Variants in COL5A2 observed in about 807,000 individuals in gnomAD.
COL5A2 encodes collagen type V alpha 2 chain.
COL5A2 carries 23 observed loss-of-function variants against 208.2 expected under a neutral mutation model. The ratio of observed to expected loss-of-function variants is 0.11; its 90% CI spans 0.08 to 0.16. The LOEUF is 0.16. Ranked by LOEUF, COL5A2 falls within the 10% of genes least tolerant of loss-of-function variation. COL5A2 has a pLI of 1.00. For missense variants in COL5A2, 1,590 were observed against 1,956.4 expected, an observed-to-expected ratio of 0.81 and a Z score of 3.53; for synonymous variants, 625 against 628.5, an observed-to-expected ratio of 0.99 and a Z score of 0.08.
intron 2 of COL5A2, among the ~76,000 whole-genome samples, chr2:189,105,261 TTGG>T: frequency 6.6e-6 from 1 of 151,808 alleles, no homozygotes; most frequent in African/African-American, 2.4e-5. Context: ...GGTATAGGCA[TTGG>T]TAACTTGATA....
intron 1 of COL5A2, among the ~76,000 whole-genome samples, chr2:189,177,412 C>T (rs1242095005): frequency 6.6e-6 from 1 of 152,126 alleles, no homozygotes. Flanking sequence ...TCAACTTAAA[C>T]CAAAATATGC....
At chr2:189,376,738 T>TG in the COL5A2 span, among the ~76,000 whole-genome samples, 1 of 152,156 alleles carries the variant, frequency 6.6e-6, no homozygotes, top group Admixed American at 6.5e-5. Flanking sequence ...TTGAAATAAA[T>TG]ATTTTACCTT....
At chr2:189,253,083 C>A in the COL5A2 span, among the ~76,000 whole-genome samples, 1 of 152,150 alleles carries the variant, frequency 6.6e-6, no homozygotes, top group Non-Finnish European at 1.5e-5. Flanking sequence ...GAAGAGATGT[C>A]TGGTGGCATG....
chr2:189,060,691 A>T (rs768592969), intron 31 of COL5A2, 39 bp downstream of exon 31: 10 of 1,521,490 alleles, frequency 6.6e-6, no homozygotes, highest in Non-Finnish European at 8.2e-6. Flanking sequence ...TTGAGCCAGC[A>T]ATGTATAGTG....
the COL5A2 span, among the ~76,000 whole-genome samples, chr2:189,267,413 A>C: frequency 1.5e-3 from 229 of 152,332 alleles, no homozygotes; most frequent in African/African-American, 5.1e-3. Flanking sequence ...CTTATTAAAA[A>C]TACAATCACA....
chr2:189,326,096 C>CAAAAAAA, the COL5A2 span, among the ~76,000 whole-genome samples: 27 of 96,810 alleles, frequency 2.8e-4, no homozygotes, highest in Admixed American at 5.2e-4. Flanking sequence ...GACCCTGTCT[C>CAAAAAAA]AAAAAAAAAA....
chr2:189,221,424 C>T (rs977384451), intron 1 of COL5A2, among the ~76,000 whole-genome samples: 11 of 152,034 alleles, frequency 7.2e-5, no homozygotes, highest in African/African-American at 2.7e-4. Context: ...TGGTTTCTAC[C>T]TTGCTGCTCA....
At chr2:189,145,656 A>G (rs1226256289) in intron 1 of COL5A2, among the ~76,000 whole-genome samples, 3 of 152,088 alleles carry the variant, frequency 2.0e-5, no homozygotes, top group South Asian at 4.1e-4. Flanking sequence ...TCTTATTCAG[A>G]AGGATTTTTA....
At chr2:189,383,111 C>A in the COL5A2 span, among the ~76,000 whole-genome samples, 2 of 152,194 alleles carry the variant, frequency 1.3e-5, no homozygotes, top group Non-Finnish European at 2.9e-5. Flanking sequence ...AAGTATGTCA[C>A]AGGTTTCTGT....
the COL5A2 span, among the ~76,000 whole-genome samples, chr2:189,374,639 A>G: frequency 2.0e-5 from 3 of 152,170 alleles, no homozygotes; most frequent in African/African-American, 7.2e-5. Context: ...TCTACAAAGA[A>G]TTTTTTATGT....
At chr2:189,353,540 A>C in the COL5A2 span, among the ~76,000 whole-genome samples, 27 of 151,938 alleles carry the variant, frequency 1.8e-4, no homozygotes, top group Admixed American at 1.8e-3. Flanking sequence ...GTATTTTATT[A>C]TCTTTGTAGT....
the COL5A2 span, among the ~76,000 whole-genome samples, chr2:189,401,916 GTT>G: frequency 6.6e-6 from 1 of 151,704 alleles, no homozygotes; most frequent in Non-Finnish European, 1.5e-5. Context: ...TAATGGGGCT[GTT>G]TTTTTCTTGT....
intron 17 of COL5A2, 106 bp from the exon 18 acceptor site, chr2:189,072,199 C>T (rs1686290515): frequency 1.4e-6 from 1 of 737,314 alleles, no homozygotes; most frequent in Non-Finnish European, 2.4e-6. Context: ...ATAAGAATAA[C>T]CTGCCTTTCA....
upstream of COL5A2, among the ~76,000 whole-genome samples, chr2:189,225,846 A>G (rs566095563): frequency 6.6e-6 from 1 of 152,252 alleles, no homozygotes; most frequent in South Asian, 2.1e-4. Flanking sequence ...CACTTGTAGA[A>G]CAACCAGTGA....
the COL5A2 span, among the ~76,000 whole-genome samples, chr2:189,278,134 C>A: frequency 6.6e-6 from 1 of 152,112 alleles, no homozygotes; most frequent in African/African-American, 2.4e-5. Flanking sequence ...CACATTTCTT[C>A]TAAATCACAA....
chr2:189,202,867 A>G (rs1689095838), intron 1 of COL5A2, among the ~76,000 whole-genome samples: 1 of 152,194 alleles, frequency 6.6e-6, no homozygotes, highest in Non-Finnish European at 1.5e-5. Context: ...TAAACTTTCT[A>G]ATCTGAAAAT....
In COL5A2 at chr2:189,064,576, G is replaced by A. The variant is rs1051400743; in HGVS notation, c.1697C>T (p.Pro566Leu). The part of the protein sequence containing the change: ...SQGDPGRPGE[P>L]GLPGARGLTG... ...TCTTACCCGAGCACCTGGAAGCCCA[G>A]GTTCCCCTGGACGTCCTGGATCCCC... The change falls in exon 25 of 54, where the codon CCT becomes CTT. Residue 566 changes from proline (P) to leucine (L), a missense_variant. Physicochemically the swap from Pro to Leu is moderately conservative, Grantham distance 98. Coordinates refer to ENST00000374866, the MANE Select transcript of COL5A2 (RefSeq NM_000393.5). 1.8e-5 allele frequency: 29 copies of A among 1,613,746 alleles called. No individual in the cohort carries two copies. Among genetic ancestry groups the A allele is most frequent in the Admixed American group, 5.0e-5 (3 of 59,972 alleles).
chr2:189,317,107 T>G, the COL5A2 span, among the ~76,000 whole-genome samples: 3 of 152,074 alleles, frequency 2.0e-5, no homozygotes, highest in Non-Finnish European at 4.4e-5. Flanking sequence ...AAAGGTATAT[T>G]ATTTTTAAGA....
the COL5A2 span, among the ~76,000 whole-genome samples, chr2:189,337,820 C>CA: frequency 2.5e-3 from 360 of 143,756 alleles, 1 homozygote; most frequent in African/African-American, 7.5e-3. Flanking sequence ...TCCATCCTAG[C>CA]AAAAAAAAAA....
Sources: gnomAD v4.1 joint callset for allele counts (sites outside exome capture counted in the v4.1 genomes callset) on GRCh38, gnomAD v4.1.1 for gene constraint, MANE v1.5 for transcripts, NCBI Gene and HGNC (gene_info 2026-07-23, HGNC 2026-07-21) for gene names.